GFRA1: variants seen among roughly 807,000 people sequenced by gnomAD.
The protein encoded by GFRA1 is GDNF family receptor alpha 1.
GFRA1 carries 16 observed loss-of-function variants against 51.6 expected under a neutral mutation model. The ratio of observed to expected loss-of-function variants is 0.31; its 90% CI spans 0.21 to 0.47. The LOEUF (loss-of-function observed/expected upper bound fraction) is 0.47, where lower values mean the gene tolerates loss of function less well. GFRA1 is among the 20% of genes least tolerant of loss of function. The pLI, the probability that GFRA1 is intolerant of heterozygous loss-of-function variation, is 1.00. For missense variants in GFRA1, 530 were observed against 594.3 expected, an observed-to-expected ratio of 0.89 and a Z score of 1.13; for synonymous variants, 270 against 241.3, an observed-to-expected ratio of 1.12 and a Z score of -1.10.
At chr10:116,100,466 A>G (rs1956775167) in intron 6 of GFRA1, among the ~76,000 whole-genome samples, 1 of 152,232 alleles carries the variant, frequency 6.6e-6, no homozygotes, top group African/African-American at 2.4e-5. Context: ...TAACAGGTGC[A>G]TCGCCCAGAA....
At chr10:116,269,679 T>C in intron 3 of GFRA1, 93 bp from the exon 4 acceptor site, 1 of 782,484 alleles carries the variant, frequency 1.3e-6, no homozygotes, top group Non-Finnish European at 2.3e-6. Context: ...TATGTTATGA[T>C]TGTGTAACAA....
At chr10:116,168,793 T>C (rs1157995284) in intron 5 of GFRA1, among the ~76,000 whole-genome samples, 1 of 152,246 alleles carries the variant, frequency 6.6e-6, no homozygotes, top group Non-Finnish European at 1.5e-5. Flanking sequence ...ATTAGTTTTA[T>C]TTGATCCAAC....
In GFRA1 at chr10:116,203,851, G is replaced by A. The variant is rs372665236; in HGVS notation, c.433+7780C>T. Reference sequence around the variant, plus strand: ...TTGTAAACAGTTCTGTTGTTTTGTCGCTGGCTTGCCTACGCTATGGGAAAA... The same window carrying A: ...TTGTAAACAGTTCTGTTGTTTTGTCACTGGCTTGCCTACGCTATGGGAAAA... On this transcript the variant is annotated intron_variant, in intron 5 of 10. Transcript: ENST00000355422. Among the ~76,000 whole-genome samples the A allele has an allele frequency of 2.4e-4, 36 of 152,318 alleles. 1 individual carries two copies. The East Asian group carries it at 5.8e-3, about 24-fold the overall frequency.
intron 6 of GFRA1, among the ~76,000 whole-genome samples, chr10:116,104,478 G>C (rs966102843): frequency 1.3e-5 from 2 of 152,180 alleles, no homozygotes; most frequent in Non-Finnish European, 2.9e-5. Flanking sequence ...ACTCACAGGG[G>C]CTCTGGCAAA....
upstream of GFRA1, among the ~76,000 whole-genome samples, chr10:116,273,644 A>ACTCTCTCT (rs763760325): frequency 1.3e-4 from 19 of 146,492 alleles, no homozygotes; most frequent in African/African-American, 4.3e-4. Flanking sequence ...CCAGACACAC[A>ACTCTCTCT]CACTCTCTCT....
chr10:116,060,315 T>A lies in GFRA1; in HGVS notation c.*4083A>T, dbSNP rs1954746160. On this transcript the variant is annotated 3_prime_UTR_variant, in exon 11 of 11. Coordinates refer to ENST00000355422, the MANE Select transcript of GFRA1 (RefSeq NM_005264.8). Reference sequence around the variant, plus strand: ...GTATCCAACCAAATCCCCACTTGTTTTATTTTAGAATTTCTAATAAGAAAT... The same window carrying A: ...GTATCCAACCAAATCCCCACTTGTTATATTTTAGAATTTCTAATAAGAAAT... 6.6e-6 allele frequency: 1 copy of A among 152,170 alleles called. No individual in the cohort carries two copies. Among genetic ancestry groups the A allele is most frequent in the Admixed American group, 6.6e-5 (1 of 15,266 alleles). The allele number at this position is 152,170 out of a possible 1,614,324, so 9.4% of individuals were successfully genotyped here. A position where few individuals can be genotyped will look rare whatever the true frequency, so the allele number is the denominator to read the frequency against.
chr10:116,149,579 C>A (rs887890239), intron 5 of GFRA1, among the ~76,000 whole-genome samples: 6 of 152,120 alleles, frequency 3.9e-5, no homozygotes, highest in Admixed American at 6.5e-5. Context: ...GTTGATACAT[C>A]ATTACTGATG....
chr10:116,166,586 T>C (rs1336313464), intron 5 of GFRA1, among the ~76,000 whole-genome samples: 2 of 151,984 alleles, frequency 1.3e-5, no homozygotes, highest in Non-Finnish European at 2.9e-5. Context: ...CTCTACTATG[T>C]GACCCTGACC....
intron 4 of GFRA1, among the ~76,000 whole-genome samples, chr10:116,259,618 G>A (rs756088476): frequency 3.3e-5 from 5 of 152,290 alleles, no homozygotes; most frequent in African/African-American, 4.8e-5. Context: ...TTGTCAAACA[G>A]TGTTTTAGGG....
In GFRA1 at chr10:116,062,274, C is replaced by T; in HGVS notation, c.*2124G>A. The T allele has an allele frequency of 2.5e-6, 1 of 396,914 alleles. No individual in the cohort carries two copies. Among genetic ancestry groups the T allele is most frequent in the African/African-American group, 2.1e-5 (1 of 48,740 alleles). 24.6% of individuals were successfully genotyped at this position (396,914 alleles called of 1,614,324 possible). On this transcript the variant is annotated 3_prime_UTR_variant, in exon 11 of 11. Transcript: ENST00000355422. Reference sequence around the variant, plus strand: ...GAGATACCTTAATGAAAACAAAATACACTCTGTAAGAGATATGCGCTCATA... The same window carrying T: ...GAGATACCTTAATGAAAACAAAATATACTCTGTAAGAGATATGCGCTCATA...
intron 5 of GFRA1, among the ~76,000 whole-genome samples, chr10:116,161,651 T>G (rs1194890763): frequency 6.6e-6 from 1 of 152,144 alleles, no homozygotes; most frequent in Non-Finnish European, 1.5e-5. Context: ...GATATGATGG[T>G]TTTTATATAT....
intron 4 of GFRA1, among the ~76,000 whole-genome samples, chr10:116,245,810 T>C (rs1307657390): frequency 6.6e-6 from 1 of 152,104 alleles, no homozygotes; most frequent in East Asian, 1.9e-4. Flanking sequence ...TAAGTGCATA[T>C]TATTAGATGA....
intron 4 of GFRA1, among the ~76,000 whole-genome samples, chr10:116,234,372 C>A (rs949075769): frequency 2.6e-5 from 4 of 152,174 alleles, no homozygotes; most frequent in Non-Finnish European, 1.5e-5. Context: ...GAAACAGGGC[C>A]TAGAATCCTA....
rs77730201 is a variant in GFRA1, at chr10:116,125,461, G to T, written c.530C>A (p.Pro177Gln). ...CKKYRSAYIT[P>Q]CTTSVSNDVC... Reference sequence around the variant, plus strand: ...ATCGTTGGACACGCTGGTGGTGCACGGGGTGATGTACGCCGACCTGTACTT... The same window carrying T: ...ATCGTTGGACACGCTGGTGGTGCACTGGGTGATGTACGCCGACCTGTACTT... The change falls in exon 6 of 11, where the codon CCG (proline) becomes CAG (glutamine). Residue 177 changes from proline to glutamine, a missense_variant. Transcript: ENST00000355422. 6.2e-7 allele frequency: 1 copy of T among 1,614,058 alleles called. No individual in the cohort carries two copies. Among genetic ancestry groups the T allele is most frequent in the Non-Finnish European group, 8.5e-7 (1 of 1,179,906 alleles).
intron 5 of GFRA1, among the ~76,000 whole-genome samples, chr10:116,194,737 A>G (rs1204079012): frequency 6.6e-6 from 1 of 152,218 alleles, no homozygotes; most frequent in Non-Finnish European, 1.5e-5. Context: ...AAGAAGATAC[A>G]TCAGCATTTA....
intron 4 of GFRA1, among the ~76,000 whole-genome samples, chr10:116,223,602 G>A (rs1966077112): frequency 6.6e-6 from 1 of 152,202 alleles, no homozygotes; most frequent in Admixed American, 6.5e-5. Context: ...AGAGTAACCA[G>A]AGAGCTGAGA....
intron 7 of GFRA1, among the ~76,000 whole-genome samples, chr10:116,096,394 C>T (rs192139310): frequency 3.9e-5 from 6 of 152,292 alleles, no homozygotes; most frequent in East Asian, 3.9e-4. Flanking sequence ...ACGCCTTACC[C>T]GTCTGCGCAC....
chr10:116,070,234 C>G (rs1398958221), intron 9 of GFRA1, among the ~76,000 whole-genome samples: 4 of 152,160 alleles, frequency 2.6e-5, no homozygotes, highest in Non-Finnish European at 5.9e-5. Flanking sequence ...TGACAGAATA[C>G]AAGCAATAAA....
intron 4 of GFRA1, among the ~76,000 whole-genome samples, chr10:116,242,904 G>C (rs1167425349): frequency 6.6e-6 from 1 of 152,012 alleles, no homozygotes; most frequent in Non-Finnish European, 1.5e-5. Flanking sequence ...ATGATGTTTT[G>C]ATATGCATAA....
Sources: allele counts gnomAD v4.1 joint callset (sites outside exome capture counted in the v4.1 genomes callset), GRCh38; gene constraint gnomAD v4.1.1; transcripts MANE v1.5; gene names NCBI Gene and HGNC (gene_info 2026-07-23, HGNC 2026-07-21).